NDUFS4: variants seen among roughly 807,000 people sequenced by gnomAD.
NDUFS4 encodes NADH dehydrogenase [ubiquinone] iron-sulfur protein 4, mitochondrial.
A neutral mutation model predicts 24.3 loss-of-function variants in NDUFS4; 28 were observed. The ratio of observed to expected loss-of-function variants is 1.15; its 90% CI spans 0.85 to 1.58. The LOEUF is 1.58. Among genes scored for constraint, NDUFS4 ranks in the 40% most tolerant of loss-of-function variants. The pLI, the probability that NDUFS4 is intolerant of heterozygous loss-of-function variation, is 0.00. For synonymous variants in NDUFS4, 93 were observed against 69.7 expected (o/e 1.34, Z -1.67); for missense variants, 223 against 207.9 (o/e 1.07, Z -0.45).
At chr5:53,635,917 G>C (rs1446032150) in intron 2 of NDUFS4, among the ~76,000 whole-genome samples, 6 of 151,942 alleles carry the variant, frequency 3.9e-5, no homozygotes, top group Admixed American at 3.9e-4. Flanking sequence ...GACTTGATTT[G>C]GTTATGTCAT....
intron 4 of NDUFS4, among the ~76,000 whole-genome samples, chr5:53,679,432 A>T (rs1383679056): frequency 3.3e-5 from 5 of 152,148 alleles, no homozygotes; most frequent in Non-Finnish European, 7.4e-5. Flanking sequence ...CACCATCAAC[A>T]GCAACTGTAA....
intron 2 of NDUFS4, among the ~76,000 whole-genome samples, chr5:53,624,407 C>G (rs1269716961): frequency 6.6e-6 from 1 of 152,180 alleles, no homozygotes; most frequent in Non-Finnish European, 1.5e-5. Flanking sequence ...TGCATTGAAT[C>G]TGTAGATTGA....
intron 2 of NDUFS4, 75 bp downstream of exon 2, chr5:53,603,605 T>G: frequency 8.6e-7 from 1 of 1,166,540 alleles, no homozygotes; most frequent in East Asian, 2.4e-5. Context: ...TTCAGTATGG[T>G]GTTCCAGGTT....
intron 1 of NDUFS4, among the ~76,000 whole-genome samples, chr5:53,586,307 C>T (rs1172777337): frequency 2.2e-5 from 3 of 138,630 alleles, no homozygotes; most frequent in Non-Finnish European, 3.0e-5. Context: ...TAAGCCTGGG[C>T]GACAAGAGTG....
At chr5:53,651,841 C>T (rs1485251315) in intron 3 of NDUFS4, among the ~76,000 whole-genome samples, 1 of 148,684 alleles carries the variant, frequency 6.7e-6, no homozygotes, top group Non-Finnish European at 1.5e-5. Flanking sequence ...TGGGCGATCT[C>T]GGCTCACTGC....
At chr5:53,612,976 T>G (rs747151701) in intron 2 of NDUFS4, among the ~76,000 whole-genome samples, 2 of 152,108 alleles carry the variant, frequency 1.3e-5, no homozygotes, top group Non-Finnish European at 2.9e-5. Context: ...TACTAAAAGT[T>G]TATAGATGAA....
At chr5:53,669,711 C>A (rs1243679920) in intron 4 of NDUFS4, among the ~76,000 whole-genome samples, 2 of 152,166 alleles carry the variant, frequency 1.3e-5, no homozygotes, top group Non-Finnish European at 2.9e-5. Flanking sequence ...ATAGTTCTTA[C>A]ACTCAAACTG....
At chr5:53,608,719 A>G (rs1175608135) in intron 2 of NDUFS4, among the ~76,000 whole-genome samples, 3 of 152,212 alleles carry the variant, frequency 2.0e-5, no homozygotes, top group Non-Finnish European at 2.9e-5. Context: ...CCTCCACTAA[A>G]GTCTTAGATC....
At chr5:53,669,891 G>T (rs907755525) in intron 4 of NDUFS4, among the ~76,000 whole-genome samples, 1 of 151,394 alleles carries the variant, frequency 6.6e-6, no homozygotes, top group African/African-American at 2.5e-5. Flanking sequence ...CCTTAATTTG[G>T]TGACTTGTTC....
At chr5:53,665,152 G>A (rs1287444399) in intron 4 of NDUFS4, among the ~76,000 whole-genome samples, 1 of 152,170 alleles carries the variant, frequency 6.6e-6, no homozygotes, top group African/African-American at 2.4e-5. Context: ...GGATATTGGT[G>A]AACAGCAAAT....
rs542290186 is a variant in NDUFS4 at position 53,570,979 on chromosome 5, C to G, written c.98+10219C>G. 2.0e-5 allele frequency among the ~76,000 whole-genome samples: 3 copies of G among 152,040 alleles called. No individual in the cohort carries two copies. The South Asian group carries it at 6.2e-4, about 32-fold the overall frequency. ...AATTACAGGCATGAGCCACGGCGCC[C>G]GGCTGTGTTTTTTATTTTAGCCATT... On this transcript the variant is annotated intron_variant, in intron 1 of 4. Coordinates refer to ENST00000296684, the MANE Select transcript of NDUFS4 (RefSeq NM_002495.4).
In NDUFS4 at chr5:53,563,969, G is replaced by A. The variant is rs575393329; in HGVS notation, c.98+3209G>A. Among the ~76,000 whole-genome samples the A allele has an allele frequency of 3.9e-5, 6 of 152,276 alleles. No homozygotes were observed. In the East Asian group the frequency reaches 9.6e-4, roughly 24 times the overall value. On this transcript the variant is annotated intron_variant, in intron 1 of 4. Coordinates refer to ENST00000296684, the MANE Select transcript of NDUFS4 (RefSeq NM_002495.4). ...GTGATGTTTTTATTCACTTATTTAA[G>A]TGTGTTCATGTATACTTATCTCACC...
chr5:53,670,596 T>C (rs1372019619), intron 4 of NDUFS4, among the ~76,000 whole-genome samples: 1 of 151,000 alleles, frequency 6.6e-6, no homozygotes, highest in Admixed American at 6.7e-5. Context: ...AGCACTGATA[T>C]ATTTGGCAAT....
intron 4 of NDUFS4, among the ~76,000 whole-genome samples, chr5:53,681,215 C>G (rs561995824): frequency 2.0e-4 from 30 of 152,214 alleles, no homozygotes; most frequent in South Asian, 8.3e-4. Flanking sequence ...CAGAATCTGG[C>G]CGTCTGTGTT....
chr5:53,626,567 G>A (rs1306459580), intron 2 of NDUFS4, among the ~76,000 whole-genome samples: 4 of 152,042 alleles, frequency 2.6e-5, no homozygotes, highest in African/African-American at 7.2e-5. Flanking sequence ...TTTAATGATC[G>A]CCATTCTAAC....
intron 4 of NDUFS4, among the ~76,000 whole-genome samples, chr5:53,682,750 G>GGTT (rs1363397345): frequency 6.6e-6 from 1 of 151,954 alleles, no homozygotes; most frequent in African/African-American, 2.4e-5. Flanking sequence ...ATAGTGAGTT[G>GGTT]GTTATAATGT....
intron 2 of NDUFS4, among the ~76,000 whole-genome samples, chr5:53,632,113 A>G (rs1159541517): frequency 6.6e-6 from 1 of 152,236 alleles, no homozygotes; most frequent in Non-Finnish European, 1.5e-5. Context: ...CATCTTCTGC[A>G]TCAGTCTTGC....
chr5:53,664,297 C>G lies in NDUFS4; in HGVS notation c.424+5673C>G, dbSNP rs150033744. On this transcript the variant is annotated intron_variant, in intron 4 of 4. Transcript: ENST00000296684. Reference sequence around the variant, plus strand: ...TTCATTTCAACTTTGGTGAATCTGACAATTATGTGTCTTGGAGTTGCTCTT... The same window carrying G: ...TTCATTTCAACTTTGGTGAATCTGAGAATTATGTGTCTTGGAGTTGCTCTT... Among the ~76,000 whole-genome samples, 1,400 of 152,216 alleles carry G rather than the reference C, an allele frequency of 9.2e-3. 17 individuals carry two copies. The highest frequency in any genetic ancestry group is 0.032 in the African/African-American group (1,323 of 41,536).
At chr5:53,645,665 A>C (rs1751840128) in intron 2 of NDUFS4, among the ~76,000 whole-genome samples, 1 of 152,184 alleles carries the variant, frequency 6.6e-6, no homozygotes, top group Non-Finnish European at 1.5e-5. Context: ...GTTTCACCAA[A>C]GGGGGGAGAT....
Sources: allele counts gnomAD v4.1 joint callset (sites outside exome capture counted in the v4.1 genomes callset), GRCh38; gene constraint gnomAD v4.1.1; transcripts MANE v1.5; gene names NCBI Gene and HGNC (gene_info 2026-07-23, HGNC 2026-07-21).